Variants in CSMD1 observed in about 807,000 individuals in gnomAD.
CSMD1 encodes CUB and sushi domain-containing protein 1.
A neutral mutation model predicts 417.5 loss-of-function variants in CSMD1; 213 were observed. The ratio of observed to expected loss-of-function variants is 0.51; its 90% CI spans 0.46 to 0.57. The LOEUF (loss-of-function observed/expected upper bound fraction) is 0.57. Ranked by LOEUF, CSMD1 falls within the 20% of genes least tolerant of loss-of-function variation. The pLI is 0.00. For synonymous variants in CSMD1, 2,862 were observed against 1,736.8 expected, an observed-to-expected ratio of 1.65 and a Z score of -16.11; for missense variants, 6,923 against 4,529.7, an observed-to-expected ratio of 1.53 and a Z score of -15.17.
Position 3,399,461 on chromosome 8 carries a change from T to G in CSMD1, c.2335A>C (p.Lys779Gln), listed in dbSNP as rs557149887. Residue 779 changes from lysine to glutamine, a missense_variant, in exon 16 of 70, where the codon AAG becomes CAG. Lys to Gln is a moderately conservative substitution (Grantham distance 53). Transcript: ENST00000635120. ...ILPPGWPGYY[K>Q]DSLHCEWIIE... ...ATCCATTCACAATGTAAAGAATCCT[T>G]ATAATATCCTGGCCATCCAGGAGGC... 6.2e-6 allele frequency: 10 copies of G among 1,610,462 alleles called. No homozygotes were observed. The South Asian group carries it at 7.8e-5, about 13-fold the overall frequency.
At chr8:4,004,653 T>A (rs939150856) in intron 4 of CSMD1, among the ~76,000 whole-genome samples, 2 of 152,208 alleles carry the variant, frequency 1.3e-5, no homozygotes, top group African/African-American at 4.8e-5. Context: ...TAAATTTGTG[T>A]ATGAAATAGT....
chr8:3,207,240 G>A (rs1312812906), intron 30 of CSMD1, among the ~76,000 whole-genome samples: 8 of 147,992 alleles, frequency 5.4e-5, no homozygotes, highest in African/African-American at 1.2e-4. Flanking sequence ...TCCGCCACCC[G>A]GGTTCAAACG....
intron 10 of CSMD1, among the ~76,000 whole-genome samples, chr8:3,554,041 T>G (rs1424567895): frequency 1.3e-5 from 2 of 152,162 alleles, no homozygotes; most frequent in Non-Finnish European, 2.9e-5. Context: ...AACATTATAG[T>G]TTTGAAAGAT....
intron 8 of CSMD1, among the ~76,000 whole-genome samples, chr8:3,606,325 T>G (rs2170479): frequency 0.71 from 108,626 of 151,984 alleles, 39,528 homozygotes; most frequent in Non-Finnish European, 0.79. Context: ...GATACACAGC[T>G]GGGCTTCATG....
chr8:3,703,240 C>A (rs892688076), intron 7 of CSMD1, among the ~76,000 whole-genome samples: 1 of 152,096 alleles, frequency 6.6e-6, no homozygotes, highest in Non-Finnish European at 1.5e-5. Flanking sequence ...ACTACAGTCG[C>A]GCTGCCCTAT....
chr8:4,375,510 T>C (rs1802677107), intron 3 of CSMD1, among the ~76,000 whole-genome samples: 1 of 152,106 alleles, frequency 6.6e-6, no homozygotes. Context: ...GCAAGTGACA[T>C]CAGAAGAATT....
At chr8:3,026,510 C>T (rs1022251335) in intron 51 of CSMD1, among the ~76,000 whole-genome samples, 7 of 151,948 alleles carry the variant, frequency 4.6e-5, no homozygotes, top group Admixed American at 3.3e-4. Context: ...CTGGACCTCA[C>T]TGGACCTCAC....
chr8:4,299,302 C>G (rs1236387258), intron 3 of CSMD1, among the ~76,000 whole-genome samples: 1 of 152,084 alleles, frequency 6.6e-6, no homozygotes, highest in Non-Finnish European at 1.5e-5. Context: ...CCCCATCACC[C>G]CCAGAGAACG....
chr8:3,811,136 C>T (rs988187081), intron 5 of CSMD1, among the ~76,000 whole-genome samples: 4 of 152,128 alleles, frequency 2.6e-5, no homozygotes, highest in African/African-American at 9.7e-5. Context: ...TCCATAACTC[C>T]TCTATGATAT....
intron 3 of CSMD1, among the ~76,000 whole-genome samples, chr8:4,190,865 A>G (rs960664870): frequency 1.3e-5 from 2 of 151,606 alleles, no homozygotes; most frequent in Non-Finnish European, 2.9e-5. Context: ...ACCAAATACC[A>G]CATGATCTGA....
chr8:4,917,225 G>A lies in CSMD1; in HGVS notation c.85+77107C>T, dbSNP rs1453832932. On this transcript the variant is annotated intron_variant, in intron 1 of 69. Coordinates refer to ENST00000635120, the MANE Select transcript of CSMD1 (RefSeq NM_033225.6). ...ACACTTTAAAATAAGCAGATCTCCT[G>A]TGAACTCTATCATGAGACAGCAGTA... Among the ~76,000 whole-genome samples the A allele has an allele frequency of 2.0e-5, 3 of 152,322 alleles. No individual in the cohort carries two copies. The South Asian group carries it at 6.2e-4, about 32-fold the overall frequency.
intron 3 of CSMD1, among the ~76,000 whole-genome samples, chr8:4,240,403 T>C (rs1051528903): frequency 1.3e-5 from 2 of 152,204 alleles, no homozygotes; most frequent in African/African-American, 4.8e-5. Flanking sequence ...TTGAGCACCT[T>C]TGCCTGCTCT....
chr8:3,495,928 G>A (rs1182620640), intron 10 of CSMD1, among the ~76,000 whole-genome samples: 1 of 151,962 alleles, frequency 6.6e-6, no homozygotes, highest in African/African-American at 2.4e-5. Flanking sequence ...TAAGTTCCGG[G>A]GTACATGGGC....
Position 2,938,582 on chromosome 8 carries a change from G to C in CSMD1, c.*3C>G, listed in dbSNP as rs1801652174. ...TGAATCAGTCCTGTTGGGGCACTGA[G>C]GGCTATACCACTGTACAGACTGTGT... On this transcript the variant is annotated 3_prime_UTR_variant, in exon 70 of 70. Transcript: ENST00000635120. 6.2e-7 allele frequency: 1 copy of C among 1,610,300 alleles called. No homozygotes were observed. Among genetic ancestry groups the C allele is most frequent in the African/African-American group, 1.3e-5 (1 of 74,872 alleles).
chr8:3,743,905 C>A (rs1454560849), intron 6 of CSMD1, among the ~76,000 whole-genome samples: 1 of 152,140 alleles, frequency 6.6e-6, no homozygotes, highest in Admixed American at 6.5e-5. Context: ...TTCCTCTGCA[C>A]CATTTGTCTT....
At chr8:4,712,994 T>C (rs1403473587) in intron 1 of CSMD1, among the ~76,000 whole-genome samples, 1 of 152,202 alleles carries the variant, frequency 6.6e-6, no homozygotes, top group Non-Finnish European at 1.5e-5. Flanking sequence ...CTGGCAGTAA[T>C]ATTAATGATA....
intron 1 of CSMD1, among the ~76,000 whole-genome samples, chr8:4,747,409 G>A (rs566105163): frequency 2.6e-5 from 4 of 152,246 alleles, no homozygotes; most frequent in South Asian, 2.1e-4. Flanking sequence ...ATTGGTAAGA[G>A]CAATACAATA....
At chr8:3,566,269 G>T (rs891683798) in intron 10 of CSMD1, among the ~76,000 whole-genome samples, 6 of 152,116 alleles carry the variant, frequency 3.9e-5, no homozygotes, top group African/African-American at 1.4e-4. Context: ...TTGAAGAAAA[G>T]AATAACAAGA....
chr8:4,418,935 G>C lies in CSMD1; in HGVS notation c.415+1018C>G, dbSNP rs180680499. Among the ~76,000 whole-genome samples, 7 of 152,274 alleles carry C rather than the reference G, an allele frequency of 4.6e-5. No individual in the cohort carries two copies. In the East Asian group the frequency reaches 1.4e-3, roughly 29 times the overall value. On this transcript the variant is annotated intron_variant, in intron 3 of 69. Transcript: ENST00000635120. Reference sequence around the variant, plus strand: ...TTCCACACGTAACTTTAAGCAAAAGGATAAGTCGGTCCATTCCTATGTCTC... The same window carrying C: ...TTCCACACGTAACTTTAAGCAAAAGCATAAGTCGGTCCATTCCTATGTCTC...
Sources: allele counts gnomAD v4.1 joint callset (sites outside exome capture counted in the v4.1 genomes callset), GRCh38; gene constraint gnomAD v4.1.1; transcripts MANE v1.5; gene names NCBI Gene and HGNC (gene_info 2026-07-23, HGNC 2026-07-21).